EYS: variants seen among roughly 807,000 people sequenced by gnomAD.
EYS encodes the protein protein eyes shut homolog.
A neutral mutation model predicts 282.1 loss-of-function variants in EYS; 250 were observed. The observed-to-expected ratio is 0.89, with a 90% CI of 0.80 to 0.98. The LOEUF (loss-of-function observed/expected upper bound fraction) is 0.98, where lower values mean the gene tolerates loss of function less well. EYS is among the 50% of genes least tolerant of loss of function. The pLI, the probability that EYS is intolerant of heterozygous loss-of-function variation, is 0.00. For synonymous variants in EYS, 1,355 were observed against 1,282.9 expected (o/e 1.06, Z -1.20); for missense variants, 4,016 against 3,709.0 (o/e 1.08, Z -2.15).
intron 5 of EYS, among the ~76,000 whole-genome samples, chr6:65,435,252 A>G (rs1768031107): frequency 6.6e-6 from 1 of 152,026 alleles, no homozygotes; most frequent in African/African-American, 2.4e-5. Flanking sequence ...GAAAGTATCA[A>G]TGTAATATTA....
intron 1 of EYS, among the ~76,000 whole-genome samples, chr6:65,675,183 A>G (rs1029609013): frequency 4.6e-5 from 7 of 151,848 alleles, no homozygotes; most frequent in African/African-American, 1.7e-4. Context: ...AGACTGCAAG[A>G]GAGGAAAAGA....
chr6:64,047,035 A>G (rs1770651600), intron 33 of EYS, among the ~76,000 whole-genome samples: 1 of 152,148 alleles, frequency 6.6e-6, no homozygotes, highest in Admixed American at 6.5e-5. Flanking sequence ...AACATGGGAC[A>G]CCAAGGATAT....
At chr6:64,187,462 T>C (rs1764981324) in intron 31 of EYS, among the ~76,000 whole-genome samples, 1 of 152,118 alleles carries the variant, frequency 6.6e-6, no homozygotes, top group South Asian at 2.1e-4. Flanking sequence ...GGAAAACATT[T>C]GAAATACAAA....
chr6:65,444,401 CA>C (rs1768571024), intron 5 of EYS, among the ~76,000 whole-genome samples: 1 of 151,926 alleles, frequency 6.6e-6, no homozygotes, highest in South Asian at 2.1e-4. Flanking sequence ...CCCTCCTTCA[CA>C]AGAAAGTTTA....
chr6:64,443,448 G>A (rs1582759124), intron 26 of EYS, among the ~76,000 whole-genome samples: 1 of 152,068 alleles, frequency 6.6e-6, no homozygotes, highest in Non-Finnish European at 1.5e-5. Flanking sequence ...GGGAACTATT[G>A]GGAAGGCACA....
intron 22 of EYS, among the ~76,000 whole-genome samples, chr6:64,686,742 A>AATATATATATATATATGTGTATAT (rs1770121334): frequency 3.0e-5 from 1 of 33,712 alleles, no homozygotes; most frequent in African/African-American, 6.8e-5. Flanking sequence ...ATTCCATCTA[A>AATATATATATATATATGTGTATAT]ATATATATAT....
intron 26 of EYS, among the ~76,000 whole-genome samples, chr6:64,446,371 T>C (rs527639016): frequency 6.6e-6 from 1 of 152,254 alleles, no homozygotes; most frequent in African/African-American, 2.4e-5. Context: ...AGAATACATG[T>C]ATTTTAGAAG....
chr6:63,897,152 T>C (rs1389057868), intron 35 of EYS, among the ~76,000 whole-genome samples: 3 of 152,224 alleles, frequency 2.0e-5, no homozygotes, highest in African/African-American at 7.2e-5. Flanking sequence ...TGTATATCCT[T>C]CCAATTACCT....
At chr6:65,413,810 T>G (rs1482061176) in intron 5 of EYS, among the ~76,000 whole-genome samples, 1 of 151,936 alleles carries the variant, frequency 6.6e-6, no homozygotes, top group African/African-American at 2.4e-5. Flanking sequence ...GAGCCGAGAT[T>G]GCGCCACTGC....
intron 8 of EYS, among the ~76,000 whole-genome samples, chr6:65,382,457 C>CTGTGTGTGTG (rs55949006): frequency 0.014 from 1,530 of 111,956 alleles, 23 homozygotes; most frequent in East Asian, 0.035. Flanking sequence ...CTCCTTTCCT[C>CTGTGTGTGTG]TGTGTGTGTG....
chr6:63,808,535 G>A (rs576825428), intron 36 of EYS, among the ~76,000 whole-genome samples: 1 of 152,262 alleles, frequency 6.6e-6, no homozygotes, highest in South Asian at 2.1e-4. Flanking sequence ...ATCTAACAAT[G>A]AATTAAGCTT....
At chr6:64,524,510 T>C (rs1777854980) in intron 26 of EYS, among the ~76,000 whole-genome samples, 1 of 152,076 alleles carries the variant, frequency 6.6e-6, no homozygotes, top group East Asian at 1.9e-4. Flanking sequence ...TTTGCATTTG[T>C]TGCAATTGCA....
At chr6:64,624,843 C>A (rs778020866) in intron 23 of EYS, among the ~76,000 whole-genome samples, 1 of 152,082 alleles carries the variant, frequency 6.6e-6, no homozygotes, top group African/African-American at 2.4e-5. Context: ...TTTCTGAAGT[C>A]TTCTGTGAGG....
At chr6:64,349,076 C>T (rs751073745) in intron 29 of EYS, among the ~76,000 whole-genome samples, 5 of 151,242 alleles carry the variant, frequency 3.3e-5, no homozygotes, top group Non-Finnish European at 5.9e-5. Flanking sequence ...ATAAAAATGA[C>T]ATTAAAATTA....
intron 13 of EYS, among the ~76,000 whole-genome samples, chr6:65,006,503 C>CAAA (rs59057058): frequency 0.04 from 3,291 of 82,966 alleles, 241 homozygotes; most frequent in African/African-American, 0.074. Context: ...TATTCTAAGT[C>CAAA]AAAAAAAAAA....
At chr6:65,145,288 C>T (rs1764449211) in intron 12 of EYS, among the ~76,000 whole-genome samples, 1 of 151,632 alleles carries the variant, frequency 6.6e-6, no homozygotes, top group Admixed American at 6.6e-5. Flanking sequence ...TATATTGTTA[C>T]TATTTTTTCT....
chr6:65,269,775 C>G (rs776366186), intron 12 of EYS, among the ~76,000 whole-genome samples: 2 of 151,992 alleles, frequency 1.3e-5, no homozygotes, highest in Non-Finnish European at 2.9e-5. Flanking sequence ...CATGGCAGAC[C>G]GAGGGCAAGC....
At chr6:64,999,578 C>T (rs1482153304) in intron 13 of EYS, among the ~76,000 whole-genome samples, 2 of 152,160 alleles carry the variant, frequency 1.3e-5, no homozygotes, top group Non-Finnish European at 2.9e-5. Flanking sequence ...TTCCCAAGAC[C>T]ACCCTGTCCC....
chr6:64,148,292 C>G (rs921684844), intron 31 of EYS, among the ~76,000 whole-genome samples: 2 of 152,024 alleles, frequency 1.3e-5, no homozygotes, highest in African/African-American at 4.8e-5. Context: ...TATGAAATAT[C>G]ATTGCTAAGT....
Sources: gnomAD v4.1 joint callset for allele counts (sites outside exome capture counted in the v4.1 genomes callset) on GRCh38, gnomAD v4.1.1 for gene constraint, MANE v1.5 for transcripts, NCBI Gene and HGNC (gene_info 2026-07-23, HGNC 2026-07-21) for gene names.